POLE4: variants seen among roughly 807,000 people sequenced by gnomAD.
POLE4 encodes the protein DNA polymerase epsilon subunit 4.
Under a neutral mutation model 15.6 loss-of-function variants are expected in POLE4, and 15 were observed. The ratio of observed to expected loss-of-function variants is 0.96; its 90% CI spans 0.64 to 1.48. The LOEUF (loss-of-function observed/expected upper bound fraction) is 1.48, where lower values mean the gene tolerates loss of function less well. Among genes scored for constraint, POLE4 ranks in the 40% most tolerant of loss-of-function variants. The pLI is 0.00. For synonymous variants in POLE4, 83 were observed against 63.2 expected, an observed-to-expected ratio of 1.31 and a Z score of -1.49; for missense variants, 205 against 151.9, an observed-to-expected ratio of 1.35 and a Z score of -1.84.
intron 1 of POLE4, 47 bp downstream of exon 1, chr2:74,958,939 T>G: frequency 9.9e-6 from 14 of 1,414,762 alleles, no homozygotes; most frequent in South Asian, 1.3e-5. Context: ...AGGTGGAGTG[T>G]GGGGCGGGGC....
At position 74,959,762 on chromosome 2, in the gene POLE4, A is replaced by G. The variant is rs1332197782; in HGVS notation, c.298+337A>G. ...GGCTGGGAACCCTCACCTGGGTAAG[A>G]TTTCGTATACCGTATTCTCATGCGC... On this transcript the variant is annotated intron_variant, in intron 2 of 3. Coordinates refer to ENST00000483063, the MANE Select transcript of POLE4 (RefSeq NM_019896.4). The G allele has an allele frequency of 1.6e-5, 7 of 432,184 alleles. No individual in the cohort carries two copies. In the South Asian group the frequency reaches 1.6e-4, roughly 10 times the overall value. The allele number at this position is 432,184 out of a possible 1,614,324, so 26.8% of individuals were successfully genotyped here.
chr2:74,969,346 G>C lies in POLE4; in HGVS notation c.341-63G>C, dbSNP rs1671337216. The C allele has an allele frequency of 2.4e-5, 37 of 1,517,288 alleles. No individual in the cohort carries two copies. The South Asian group carries it at 4.0e-4, about 17-fold the overall frequency. The allele number at this position is 1,517,288 out of a possible 1,614,324, so 94.0% of individuals were successfully genotyped here. ...GCCTCTTCTGCATTAAGTTTGCCCA[G>C]CTTGTTACACTAATCCAGCTTCTGA... On this transcript the variant is annotated intron_variant, in intron 3 of 3. Coordinates refer to ENST00000483063, the MANE Select transcript of POLE4 (RefSeq NM_019896.4).
chr2:74,958,656 G>A lies in POLE4; in HGVS notation c.-24G>A, dbSNP rs1199813276. 8.4e-5 allele frequency: 117 copies of A among 1,400,116 alleles called. No homozygotes were observed. The highest frequency in any genetic ancestry group is 2.3e-4 in the Middle Eastern group (1 of 4,266). 86.7% of individuals were successfully genotyped at this position (1,400,116 alleles called of 1,614,324 possible). A position where few individuals can be genotyped will look rare whatever the true frequency, so the allele number is the denominator to read the frequency against. On this transcript the variant is annotated 5_prime_UTR_variant, in exon 1 of 4. Transcript: ENST00000483063. ...GCATGCGCGCGCACAGTCGGCGGCC[G>A]CGCGCAGCACGCTCAAGGCCGGGAT...
rs1379658648 is a variant in POLE4, at chr2:74,958,659, C to G, written c.-21C>G. 3.6e-6 allele frequency: 5 copies of G among 1,405,926 alleles called. No individual in the cohort carries two copies. In the South Asian group the frequency reaches 6.5e-5, roughly 18 times the overall value. 87.1% of individuals were successfully genotyped at this position (1,405,926 alleles called of 1,614,324 possible). On this transcript the variant is annotated 5_prime_UTR_variant, in exon 1 of 4. Transcript: ENST00000483063. Reference sequence around the variant, plus strand: ...TGCGCGCGCACAGTCGGCGGCCGCGCGCAGCACGCTCAAGGCCGGGATGGC... The same window carrying G: ...TGCGCGCGCACAGTCGGCGGCCGCGGGCAGCACGCTCAAGGCCGGGATGGC...
chr2:74,959,032 G>T, intron 1 of POLE4, 140 bp downstream of exon 1: 1 of 750,468 alleles, frequency 1.3e-6, no homozygotes. Flanking sequence ...GCGGAGGAAA[G>T]GGGCCGGGGA....
chr2:74,960,749 C>T (rs547491170), intron 3 of POLE4: 5 of 368,040 alleles, frequency 1.4e-5, no homozygotes, highest in Admixed American at 6.2e-5. Context: ...TCATGTGCTG[C>T]GTAATAACTT....
At chr2:74,961,862 T>C (rs1376090505) in intron 3 of POLE4, among the ~76,000 whole-genome samples, 5 of 152,306 alleles carry the variant, frequency 3.3e-5, no homozygotes, top group Non-Finnish European at 7.4e-5. Flanking sequence ...TATTTTTTAC[T>C]GGGTAAAATA....
intron 3 of POLE4, among the ~76,000 whole-genome samples, chr2:74,962,402 C>T (rs953117038): frequency 2.0e-5 from 3 of 152,028 alleles, no homozygotes; most frequent in Non-Finnish European, 4.4e-5. Flanking sequence ...TGTATCTTAT[C>T]ACAATTAAAT....
chr2:74,968,105 T>G (rs1355069318), intron 3 of POLE4, among the ~76,000 whole-genome samples: 1 of 152,230 alleles, frequency 6.6e-6, no homozygotes, highest in Non-Finnish European at 1.5e-5. Context: ...TGGGTTTGTT[T>G]TGTGTTCTTA....
chr2:74,961,171 A>G (rs1365103664), intron 3 of POLE4: 4 of 152,358 alleles, frequency 2.6e-5, no homozygotes, highest in Non-Finnish European at 5.9e-5. Context: ...TTATTCTCCC[A>G]GGGTGTTCTC....
At chr2:74,963,716 C>G (rs1276346628) in intron 3 of POLE4, among the ~76,000 whole-genome samples, 3 of 152,102 alleles carry the variant, frequency 2.0e-5, no homozygotes, top group Non-Finnish European at 2.9e-5. Flanking sequence ...TCTCGAACTC[C>G]TGACCTCAAG....
chr2:74,960,443 A>T (rs1671200343), intron 3 of POLE4: 2 of 489,342 alleles, frequency 4.1e-6, no homozygotes, highest in South Asian at 4.0e-5. Flanking sequence ...GCCATCCCTA[A>T]ATGTCAGGCT....
intron 2 of POLE4, 89 bp from the exon 3 acceptor site, chr2:74,960,016 C>T: frequency 1.8e-6 from 2 of 1,092,938 alleles, no homozygotes; most frequent in Admixed American, 1.8e-5. Context: ...TGCCCAAAGC[C>T]TCATGCCCTT....
At chr2:74,963,177 T>C (rs1671248861) in intron 3 of POLE4, among the ~76,000 whole-genome samples, 2 of 152,228 alleles carry the variant, frequency 1.3e-5, no homozygotes. Flanking sequence ...ATATAGAGTA[T>C]TCGTATCTCC....
chr2:74,964,462 A>G (rs1671269160), intron 3 of POLE4, among the ~76,000 whole-genome samples: 2 of 152,156 alleles, frequency 1.3e-5, no homozygotes, highest in Admixed American at 1.3e-4. Flanking sequence ...AATATGGTCT[A>G]CTTTAACATT....
chr2:74,960,371 G>T, intron 3 of POLE4: 1 of 583,638 alleles, frequency 1.7e-6, no homozygotes, highest in Admixed American at 3.0e-5. Context: ...AAAGAAATAG[G>T]AGGGAATATA....
chr2:74,958,959 T>A (rs1304517129), intron 1 of POLE4, 67 bp downstream of exon 1: 3 of 1,430,486 alleles, frequency 2.1e-6, no homozygotes, highest in East Asian at 5.2e-5. Flanking sequence ...CCTCGGGGCC[T>A]CCCGCGGGCG....
chr2:74,963,977 C>T (rs562330150), intron 3 of POLE4, among the ~76,000 whole-genome samples: 1 of 152,070 alleles, frequency 6.6e-6, no homozygotes, highest in African/African-American at 2.4e-5. Context: ...ACTGTATTGT[C>T]ATGAAGACAT....
At chr2:74,967,323 GTT>G (rs951281326) in intron 3 of POLE4, among the ~76,000 whole-genome samples, 1 of 130,186 alleles carries the variant, frequency 7.7e-6, no homozygotes. Flanking sequence ...TATTTTTTTT[GTT>G]TTTTTTTTTT....
Sources: allele counts gnomAD v4.1 joint callset (sites outside exome capture counted in the v4.1 genomes callset), GRCh38; gene constraint gnomAD v4.1.1; transcripts MANE v1.5; gene names NCBI Gene and HGNC (gene_info 2026-07-23, HGNC 2026-07-21).